The following QTMAN variants were observed in gnomAD, a reference collection of about 807,000 sequenced individuals.
The protein encoded by QTMAN is queuosine-tRNA mannosyltransferase, also known as tRNA-queuosine alpha-mannosyltransferase.
the QTMAN span, among the ~76,000 whole-genome samples, chr2:144,202,445 T>C: frequency 6.6e-6 from 1 of 152,324 alleles, no homozygotes; most frequent in Admixed American, 6.5e-5. Flanking sequence ...GAACTAACCA[T>C]GAAGACACTA....
chr2:144,094,954 C>G, the QTMAN span, among the ~76,000 whole-genome samples: 1 of 152,180 alleles, frequency 6.6e-6, no homozygotes, highest in Non-Finnish European at 1.5e-5. Flanking sequence ...ATCTTATTCA[C>G]TTTGTAAACC....
chr2:144,243,426 T>C, the QTMAN span, among the ~76,000 whole-genome samples: 1 of 152,224 alleles, frequency 6.6e-6, no homozygotes, highest in Non-Finnish European at 1.5e-5. Flanking sequence ...ACTAGGGTTA[T>C]TTTTTCTCAG....
chr2:144,251,854 T>C, the QTMAN span, among the ~76,000 whole-genome samples: 2 of 152,290 alleles, frequency 1.3e-5, no homozygotes, highest in Admixed American at 6.5e-5. Flanking sequence ...TTAGCTAAAA[T>C]ATATTTTTTA....
the QTMAN span, among the ~76,000 whole-genome samples, chr2:144,020,258 G>C: frequency 6.6e-6 from 1 of 152,144 alleles, no homozygotes; most frequent in Non-Finnish European, 1.5e-5. Flanking sequence ...CCTAAATGCT[G>C]CATTTCCCAA....
At chr2:144,149,208 AT>A in the QTMAN span, among the ~76,000 whole-genome samples, 3 of 151,920 alleles carry the variant, frequency 2.0e-5, no homozygotes, top group Non-Finnish European at 4.4e-5. Context: ...AACAAGGTGC[AT>A]TTTATCATCC....
At chr2:144,152,939 A>G in the QTMAN span, among the ~76,000 whole-genome samples, 1 of 152,308 alleles carries the variant, frequency 6.6e-6, no homozygotes, top group South Asian at 2.1e-4. Flanking sequence ...CAGAGGCACT[A>G]AGTGCTATGG....
At chr2:143,965,073 T>A in the QTMAN span, among the ~76,000 whole-genome samples, 2 of 151,828 alleles carry the variant, frequency 1.3e-5, no homozygotes, top group Admixed American at 6.6e-5. Context: ...TTTTTTTTTT[T>A]AATAATCTCA....
chr2:144,261,066 T>C, the QTMAN span, among the ~76,000 whole-genome samples: 1 of 152,214 alleles, frequency 6.6e-6, no homozygotes, highest in Non-Finnish European at 1.5e-5. Flanking sequence ...TGTTATTCAA[T>C]ATCTTCTACT....
the QTMAN span, among the ~76,000 whole-genome samples, chr2:144,082,790 G>GTGCC: frequency 6.6e-6 from 1 of 152,108 alleles, no homozygotes; most frequent in Non-Finnish European, 1.5e-5. Flanking sequence ...TCTGTAGACT[G>GTGCC]TGCCATCTAA....
chr2:144,137,591 A>G, the QTMAN span, among the ~76,000 whole-genome samples: 8 of 152,074 alleles, frequency 5.3e-5, no homozygotes, highest in Non-Finnish European at 1.0e-4. Flanking sequence ...TGGGCTGAAC[A>G]CTGGATGAAG....
chr2:144,029,142 C>T, the QTMAN span, among the ~76,000 whole-genome samples: 167 of 152,220 alleles, frequency 1.1e-3, 1 homozygote, highest in African/African-American at 3.9e-3. Flanking sequence ...TTAGTTGAAA[C>T]GTTGTATGGC....
the QTMAN span, chr2:143,938,626 T>A: frequency 6.6e-6 from 1 of 151,476 alleles, no homozygotes; most frequent in African/African-American, 2.4e-5. Context: ...TCTTTGTAGA[T>A]GATGTTTTTT....
At chr2:144,171,478 T>C in the QTMAN span, among the ~76,000 whole-genome samples, 1 of 152,184 alleles carries the variant, frequency 6.6e-6, no homozygotes, top group Non-Finnish European at 1.5e-5. Context: ...TTGATCCTAC[T>C]GGTGTCAAAA....
chr2:144,248,102 G>C, the QTMAN span, among the ~76,000 whole-genome samples: 12 of 152,188 alleles, frequency 7.9e-5, no homozygotes, highest in Non-Finnish European at 1.6e-4. Context: ...TGTTCATGAA[G>C]ATGTTTCTGA....
chr2:144,157,532 G>A, the QTMAN span, among the ~76,000 whole-genome samples: 15 of 151,944 alleles, frequency 9.9e-5, no homozygotes, highest in African/African-American at 2.9e-4. Context: ...AAGTGAGAAG[G>A]GAACCTCAGA....
At chr2:144,212,530 A>C in the QTMAN span, among the ~76,000 whole-genome samples, 1 of 152,150 alleles carries the variant, frequency 6.6e-6, no homozygotes, top group Non-Finnish European at 1.5e-5. Context: ...GGCACTTTAA[A>C]AGGAAGAAAC....
At chr2:144,182,885 TTTA>T in the QTMAN span, among the ~76,000 whole-genome samples, 3 of 79,864 alleles carry the variant, frequency 3.8e-5, 1 homozygote, top group African/African-American at 1.8e-4. Context: ...ATATATATAT[TTTA>T]TATATATATA....
chr2:144,133,168 A>ATT, the QTMAN span, among the ~76,000 whole-genome samples: 1 of 63,646 alleles, frequency 1.6e-5, no homozygotes, highest in African/African-American at 7.8e-5. Context: ...TATAATATAT[A>ATT]TATAAATATA....
chr2:144,190,798 T>C, the QTMAN span, among the ~76,000 whole-genome samples: 1 of 152,134 alleles, frequency 6.6e-6, no homozygotes, highest in African/African-American at 2.4e-5. Context: ...GTGGAAAACC[T>C]TCAAAAGCGC....
Sources: gnomAD v4.1 joint callset for allele counts (sites outside exome capture counted in the v4.1 genomes callset) on GRCh38, gnomAD v4.1.1 for gene constraint, MANE v1.5 for transcripts, NCBI Gene and HGNC (gene_info 2026-07-23, HGNC 2026-07-21) for gene names.